The following TFPI variants were observed in gnomAD, a reference collection of about 807,000 sequenced individuals.
TFPI encodes the protein tissue factor pathway inhibitor, also known as anti-convertin.
In TFPI, 15 loss-of-function variants were observed where a neutral mutation model predicts 34.6. That is an observed-to-expected ratio of 0.43 (90% CI 0.29 to 0.67). TFPI has a LOEUF of 0.67. Ranked by LOEUF, TFPI falls within the 30% of genes least tolerant of loss-of-function variation. The probability of loss-of-function intolerance (pLI) is 0.15; values close to 1 mark genes in which losing one functional copy is unlikely to be tolerated. For missense variants in TFPI, 301 were observed against 364.0 expected, an observed-to-expected ratio of 0.83 and a Z score of 1.41; for synonymous variants, 105 against 120.1, an observed-to-expected ratio of 0.87 and a Z score of 0.82.
At chr2:187,479,103 A>T (rs1365422990) in intron 6 of TFPI, among the ~76,000 whole-genome samples, 2 of 152,132 alleles carry the variant, frequency 1.3e-5, no homozygotes, top group African/African-American at 4.8e-5. Context: ...TGGGGAAAAT[A>T]ACATAAAACA....
chr2:187,478,441 A>C, intron 6 of TFPI: 1 of 402,056 alleles, frequency 2.5e-6, no homozygotes. Context: ...ATGTATAAAA[A>C]TCAGGAAAAA....
At chr2:187,506,632 T>A (rs182400108) in intron 1 of TFPI, among the ~76,000 whole-genome samples, 1 of 152,150 alleles carries the variant, frequency 6.6e-6, no homozygotes, top group South Asian at 2.1e-4. Context: ...TTTTTGATGA[T>A]CTTGACAGTT....
At position 187,490,593 on chromosome 2, in the gene TFPI, T is replaced by C. The variant is rs557832340; in HGVS notation, c.320-2218A>G. ...TTTTTCTATCCTTTCACTTTTAATCTCTCTGTCCTTATTTTTAAAGGGCCT... is the reference window on the plus strand; with the variant it reads ...TTTTTCTATCCTTTCACTTTTAATCCCTCTGTCCTTATTTTTAAAGGGCCT... On this transcript the variant is annotated intron_variant, in intron 3 of 7. Transcript: ENST00000233156. 3.3e-5 allele frequency among the ~76,000 whole-genome samples: 5 copies of C among 151,776 alleles called. 1 individual carries two copies. The East Asian group carries it at 9.7e-4, about 29-fold the overall frequency.
intron 1 of TFPI, among the ~76,000 whole-genome samples, chr2:187,509,748 T>C (rs1686490284): frequency 6.6e-6 from 1 of 152,184 alleles, no homozygotes; most frequent in East Asian, 1.9e-4. Context: ...AATAACCAGC[T>C]CCTGTACTCA....
rs199557966 is a variant in TFPI at position 187,465,492 on chromosome 2, G to GAAAAAAAAAAAAAAAAAA, written c.*1443_*1444insTTTTTTTTTTTTTTTTTT. On this transcript the variant is annotated 3_prime_UTR_variant, in exon 8 of 8. Transcript: ENST00000233156. Reference sequence around the variant, plus strand: ...AAAACATAACAAAACAAAACAAAATGAAAAAAAAAAAAAAACAAGAAAAAA... The same window carrying GAAAAAAAAAAAAAAAAAA: ...AAAACATAACAAAACAAAACAAAATGAAAAAAAAAAAAAAAAAAAAAAAAAAAAAAAAACAAGAAAAAA... 1 of 67,784 alleles carries GAAAAAAAAAAAAAAAAAA rather than the reference G, an allele frequency of 1.5e-5. No homozygotes were observed. Among genetic ancestry groups the GAAAAAAAAAAAAAAAAAA allele is most frequent in the Non-Finnish European group, 2.8e-5 (1 of 35,774 alleles). 4.2% of individuals were successfully genotyped at this position (67,784 alleles called of 1,614,324 possible).
intron 3 of TFPI, among the ~76,000 whole-genome samples, chr2:187,494,311 A>G (rs1685324103): frequency 6.6e-6 from 1 of 152,120 alleles, no homozygotes; most frequent in Non-Finnish European, 1.5e-5. Flanking sequence ...CATTGTTAGA[A>G]AAACCACAAC....
chr2:187,472,540 AT>A (rs1223519605), intron 6 of TFPI, among the ~76,000 whole-genome samples: 1 of 152,198 alleles, frequency 6.6e-6, no homozygotes, highest in Non-Finnish European at 1.5e-5. Context: ...CCTTACTGCT[AT>A]GAATTTATCT....
chr2:187,488,303 A>C (rs1693437923), intron 4 of TFPI, 34 bp downstream of exon 4: 10 of 1,539,304 alleles, frequency 6.5e-6, no homozygotes, highest in Non-Finnish European at 8.7e-6. Context: ...GCCTTACATA[A>C]ATGCTTCAAA....
intron 2 of TFPI, among the ~76,000 whole-genome samples, chr2:187,501,711 G>A (rs765792922): frequency 1.3e-5 from 2 of 152,060 alleles, no homozygotes; most frequent in Admixed American, 1.3e-4. Flanking sequence ...ACTCAGGTCT[G>A]TCTGATTCTA....
At chr2:187,495,109 T>C (rs1270454409) in intron 3 of TFPI, among the ~76,000 whole-genome samples, 1 of 152,192 alleles carries the variant, frequency 6.6e-6, no homozygotes, top group African/African-American at 2.4e-5. Context: ...TAAATGATGA[T>C]AAGCAAGGCT....
chr2:187,521,651 C>G (rs1045105478), intron 1 of TFPI, among the ~76,000 whole-genome samples: 1 of 152,052 alleles, frequency 6.6e-6, no homozygotes. Context: ...TCACTGCAAC[C>G]TCCACCTCCC....
chr2:187,481,561 C>T (rs1311280520), intron 6 of TFPI, among the ~76,000 whole-genome samples: 1 of 146,044 alleles, frequency 6.8e-6, no homozygotes, highest in African/African-American at 2.5e-5. Context: ...GCTTCATTGA[C>T]AATCCACCTT....
chr2:187,511,450 TTGCGGTGTGCA>T (rs1304963671), intron 1 of TFPI, among the ~76,000 whole-genome samples: 3 of 152,190 alleles, frequency 2.0e-5, no homozygotes, highest in African/African-American at 7.2e-5. Flanking sequence ...GTTCTTTGTT[TTGCGGTGTGCA>T]TGTGGTGTTT....
rs774790309 is a variant in TFPI, at chr2:187,497,037, C to T, written c.163G>A (p.Ala55Thr). ...PPLKLMHSFC[A>T]FKADDGPCKA... ...CATGGGCCATCATCCGCCTTGAATG[C>T]ACAAAATGAATGCATAAGTTTCAGT... is the stretch of plus-strand genomic sequence containing the variant. The change falls in exon 3 of 8, where the codon GCA (alanine) becomes ACA (threonine). Residue 55 changes from alanine to threonine, a missense_variant. Physicochemically the swap from Ala to Thr is moderately conservative, Grantham distance 58. Transcript: ENST00000233156. 2 of 1,613,098 alleles carry T rather than the reference C, an allele frequency of 1.2e-6. No homozygotes were observed. Among genetic ancestry groups the T allele is most frequent in the South Asian group, 1.1e-5 (1 of 91,056 alleles).
In TFPI at chr2:187,466,987, C is replaced by T. The variant is rs1413827555; in HGVS notation, c.864G>A (p.Lys288=). The change falls in exon 8 of 8, where the codon AAG becomes AAA. Residue 288 remains lysine, a synonymous_variant. Coordinates refer to ENST00000233156, the MANE Select transcript of TFPI (RefSeq NM_006287.6). The stretch of plus-strand genomic sequence containing the variant: ...CATATGCTATTTTCACTCTCTGCTT[C>T]TTTCTTTTTCTTTTGGTTTTAATTA... ...GGLIKTKRKR[K]KQRVKIAYEE... 7 of 1,589,604 alleles carry T rather than the reference C, an allele frequency of 4.4e-6. No individual in the cohort carries two copies. Among genetic ancestry groups the T allele is most frequent in the Non-Finnish European group, 3.4e-6 (4 of 1,166,006 alleles).
intron 6 of TFPI, among the ~76,000 whole-genome samples, chr2:187,473,595 G>A (rs1490443291): frequency 2.0e-5 from 3 of 152,074 alleles, no homozygotes; most frequent in Non-Finnish European, 4.4e-5. Context: ...CCAGTGTCCT[G>A]AGGTAATAGA....
At chr2:187,534,680 G>A (rs924007777) in intron 1 of TFPI, among the ~76,000 whole-genome samples, 1 of 152,040 alleles carries the variant, frequency 6.6e-6, no homozygotes, top group Non-Finnish European at 1.5e-5. Context: ...AAAATAACCA[G>A]CTAGCATCAT....
intron 1 of TFPI, among the ~76,000 whole-genome samples, chr2:187,539,086 GT>G (rs1688430702): frequency 0.025 from 2 of 80 alleles, no homozygotes; most frequent in African/African-American, 0.029. Flanking sequence ...CCTAAATAGA[GT>G]GTGTGTGTGT....
chr2:187,545,216 C>T (rs1302643369), intron 1 of TFPI, among the ~76,000 whole-genome samples: 3 of 152,130 alleles, frequency 2.0e-5, no homozygotes, highest in Admixed American at 2.0e-4. Flanking sequence ...AAGAATAAAA[C>T]TGTTCACTGT....
Sources: gnomAD v4.1 joint callset for allele counts (sites outside exome capture counted in the v4.1 genomes callset) on GRCh38, gnomAD v4.1.1 for gene constraint, MANE v1.5 for transcripts, NCBI Gene and HGNC (gene_info 2026-07-23, HGNC 2026-07-21) for gene names.